PHLDB2: variants seen among roughly 807,000 people sequenced by gnomAD.
PHLDB2 encodes the protein pleckstrin homology like domain family B member 2.
Under a neutral mutation model 123.6 loss-of-function variants are expected in PHLDB2, and 71 were observed. The observed-to-expected ratio is 0.57, with a 90% confidence interval of 0.47 to 0.70. PHLDB2 has a LOEUF of 0.70. Among genes scored for constraint, PHLDB2 ranks in the 30% least tolerant of loss-of-function variants. The pLI is 0.00. For missense variants in PHLDB2, 1,446 were observed against 1,519.5 expected (o/e 0.95, Z 0.80); for synonymous variants, 547 against 541.6 (o/e 1.01, Z -0.14).
intron 1 of PHLDB2, among the ~76,000 whole-genome samples, chr3:111,873,635 A>G (rs946131685): frequency 3.3e-5 from 5 of 152,204 alleles, no homozygotes; most frequent in African/African-American, 1.2e-4. Context: ...GCTTAGTGAC[A>G]TCTGCCCTGG....
chr3:111,772,669 C>G (rs1234983080), intron 1 of PHLDB2, among the ~76,000 whole-genome samples: 1 of 152,176 alleles, frequency 6.6e-6, no homozygotes, highest in East Asian at 1.9e-4. Flanking sequence ...TGGCATTTTT[C>G]TTGGTTCAAA....
intron 1 of PHLDB2, among the ~76,000 whole-genome samples, chr3:111,786,436 T>C (rs2060684296): frequency 6.6e-6 from 1 of 152,178 alleles, no homozygotes; most frequent in South Asian, 2.1e-4. Context: ...GCCATTCAAG[T>C]TTGTACAGGA....
intron 1 of PHLDB2, among the ~76,000 whole-genome samples, chr3:111,781,712 G>A (rs887787023): frequency 3.3e-5 from 5 of 152,034 alleles, no homozygotes; most frequent in South Asian, 2.1e-4. Flanking sequence ...ATTTTCTTCC[G>A]CCTTCTGCTA....
At chr3:111,777,906 A>G (rs1480622408) in intron 1 of PHLDB2, among the ~76,000 whole-genome samples, 3 of 27,262 alleles carry the variant, frequency 1.1e-4, no homozygotes, top group Non-Finnish European at 2.1e-4. Context: ...CTACATCATT[A>G]CCCTCCCTTT....
chr3:111,893,217 T>C (rs762758217), intron 2 of PHLDB2, among the ~76,000 whole-genome samples: 1 of 152,054 alleles, frequency 6.6e-6, no homozygotes, highest in Non-Finnish European at 1.5e-5. Context: ...TATTGTTGCT[T>C]AGTCATAGTA....
At chr3:111,950,171 A>G (rs1314080171) in intron 10 of PHLDB2, among the ~76,000 whole-genome samples, 1 of 152,236 alleles carries the variant, frequency 6.6e-6, no homozygotes. Flanking sequence ...ATTGCAACTT[A>G]TCTCAGATAG....
At chr3:111,796,176 G>A (rs1416201930) in intron 1 of PHLDB2, among the ~76,000 whole-genome samples, 2 of 152,188 alleles carry the variant, frequency 1.3e-5, no homozygotes, top group African/African-American at 4.8e-5. Flanking sequence ...GGGATTACAG[G>A]CATGAGCCAC....
chr3:111,940,695 T>G, intron 8 of PHLDB2, 50 bp downstream of exon 8: 1 of 1,086,002 alleles, frequency 9.2e-7, no homozygotes, highest in Non-Finnish European at 1.3e-6. Context: ...AGGTTCCAAA[T>G]TCAGGGAAAT....
At chr3:111,929,157 T>A (rs2068971614) in intron 5 of PHLDB2, among the ~76,000 whole-genome samples, 1 of 152,156 alleles carries the variant, frequency 6.6e-6, no homozygotes, top group South Asian at 2.1e-4. Context: ...TCCCAGCTAC[T>A]TGGGAGGCTA....
chr3:111,931,622 C>T (rs2069154045), intron 5 of PHLDB2, among the ~76,000 whole-genome samples: 1 of 152,190 alleles, frequency 6.6e-6, no homozygotes, highest in Admixed American at 6.5e-5. Context: ...TATGCCTTCC[C>T]TTCACTGCTT....
At chr3:111,868,424 A>C in intron 1 of PHLDB2, among the ~76,000 whole-genome samples, 1 of 151,898 alleles carries the variant, frequency 6.6e-6, no homozygotes. Context: ...AATCGAGAAT[A>C]CTTCTCTCTT....
upstream of PHLDB2, among the ~76,000 whole-genome samples, chr3:111,854,306 G>T (rs116040765): frequency 0.028 from 4,235 of 152,260 alleles, 114 homozygotes; most frequent in Admixed American, 0.072. Flanking sequence ...GTGAGATTTG[G>T]TTTGGGACAC....
At chr3:111,961,874 A>G in intron 12 of PHLDB2, 1 of 502,472 alleles carries the variant, frequency 2.0e-6, no homozygotes, top group Non-Finnish European at 3.4e-6. Flanking sequence ...TGCCATAGGA[A>G]AGTGTCAAGT....
intron 1 of PHLDB2, among the ~76,000 whole-genome samples, chr3:111,758,980 GC>G (rs1456936213): frequency 1.3e-5 from 2 of 152,146 alleles, no homozygotes; most frequent in Non-Finnish European, 2.9e-5. Flanking sequence ...TAGCCTATAA[GC>G]TTCATCCCAG....
intron 2 of PHLDB2, among the ~76,000 whole-genome samples, chr3:111,899,090 A>G (rs1245417366): frequency 6.6e-6 from 1 of 152,214 alleles, no homozygotes; most frequent in Non-Finnish European, 1.5e-5. Flanking sequence ...TATGGCAACT[A>G]TAGCCTTACA....
At chr3:111,857,122 C>T (rs1188270031), upstream of PHLDB2, among the ~76,000 whole-genome samples, 4 of 151,976 alleles carry the variant, frequency 2.6e-5, no homozygotes, top group African/African-American at 7.3e-5. Context: ...ATCTAGTCTA[C>T]GAGGCCACTG....
chr3:111,784,059 T>A (rs1219179684), intron 1 of PHLDB2, among the ~76,000 whole-genome samples: 1 of 152,144 alleles, frequency 6.6e-6, no homozygotes, highest in Admixed American at 6.6e-5. Flanking sequence ...GATGATGATT[T>A]AGATGATATT....
At chr3:111,863,226 C>T (rs1419460997) in intron 1 of PHLDB2, among the ~76,000 whole-genome samples, 1 of 152,176 alleles carries the variant, frequency 6.6e-6, no homozygotes, top group African/African-American at 2.4e-5. Flanking sequence ...GCAAAGTAGG[C>T]AACAGATGGT....
intron 1 of PHLDB2, among the ~76,000 whole-genome samples, chr3:111,836,549 G>A (rs1457609197): frequency 6.6e-6 from 1 of 152,120 alleles, no homozygotes; most frequent in Non-Finnish European, 1.5e-5. Flanking sequence ...CCATGAACAA[G>A]GGAAGCTTTG....
Sources: gnomAD v4.1 joint callset for allele counts (sites outside exome capture counted in the v4.1 genomes callset) on GRCh38, gnomAD v4.1.1 for gene constraint, MANE v1.5 for transcripts, NCBI Gene and HGNC (gene_info 2026-07-23, HGNC 2026-07-21) for gene names.